The following OGFOD3 variants were observed in gnomAD, a reference collection of about 807,000 sequenced individuals.
OGFOD3 encodes 2-oxoglutarate and iron-dependent oxygenase domain-containing protein 3.
In OGFOD3, 35 loss-of-function variants were observed where a neutral mutation model predicts 39.8. The ratio of observed to expected loss-of-function variants is 0.88; its 90% CI spans 0.67 to 1.17. OGFOD3 has a LOEUF of 1.17. Among genes scored for constraint, OGFOD3 ranks in the 50% most tolerant of loss-of-function variants. The pLI is 0.00. For synonymous variants in OGFOD3, 200 were observed against 192.0 expected (o/e 1.04, Z -0.34); for missense variants, 438 against 454.5 (o/e 0.96, Z 0.33).
At chr17:82,399,662 G>C (rs2052732466) in intron 7 of OGFOD3, among the ~76,000 whole-genome samples, 1 of 152,132 alleles carries the variant, frequency 6.6e-6, no homozygotes, top group Non-Finnish European at 1.5e-5. Context: ...TCCGCTTTCT[G>C]TCTCTGTGAA....
intron 7 of OGFOD3, 180 bp downstream of exon 7, chr17:82,403,757 A>T: frequency 1.8e-5 from 13 of 710,060 alleles, no homozygotes; most frequent in Non-Finnish European, 2.3e-5. Context: ...CCCTGTCCAC[A>T]TGCGCGCTCA....
chr17:82,409,304 C>A, intron 4 of OGFOD3, 64 bp downstream of exon 4: 6 of 1,543,590 alleles, frequency 3.9e-6, no homozygotes, highest in Non-Finnish European at 5.4e-6. Flanking sequence ...CCTTCCCCTT[C>A]CCATCCAAGT....
rs971973463 is a variant in OGFOD3 at position 82,392,653 on chromosome 17, G to T, written c.824-119C>A. 8.0e-7 allele frequency: 1 copy of T among 1,247,420 alleles called. No individual in the cohort carries two copies. The highest frequency in any genetic ancestry group is 1.5e-5 in the African/African-American group (1 of 65,830). 77.3% of individuals were successfully genotyped at this position (1,247,420 alleles called of 1,614,324 possible). On this transcript the variant is annotated intron_variant, in intron 8 of 8. Coordinates refer to ENST00000313056, the MANE Select transcript of OGFOD3 (RefSeq NM_024648.3). The surrounding 1 kb of genome is among the most constrained non-coding windows in gnomAD (Gnocchi z 4.2). ...CCAATCAACACAACCAACCAGGCAG[G>T]CTGGAGAAATTGCCCCTCTGGGAAC...
At chr17:82,394,460 C>T (rs1238882632) in intron 8 of OGFOD3, 1 of 1,614,048 alleles carries the variant, frequency 6.2e-7, no homozygotes, top group Non-Finnish European at 8.5e-7. Flanking sequence ...CACCTGACTC[C>T]AGCCTTCGCA....
chr17:82,400,123 G>A (rs991267961), intron 7 of OGFOD3, among the ~76,000 whole-genome samples: 9 of 152,192 alleles, frequency 5.9e-5, no homozygotes, highest in Admixed American at 5.2e-4. Flanking sequence ...CCCCCAGTCC[G>A]ACCCGCCAAT....
chr17:82,418,374 G>A lies in OGFOD3; in HGVS notation c.74+38C>T, dbSNP rs575133553. The A allele has an allele frequency of 5.2e-4, 706 of 1,365,116 alleles. 2 individuals are homozygous for A. In the African/African-American group the frequency reaches 9.6e-3, roughly 18 times the overall value. The allele number at this position is 1,365,116 out of a possible 1,614,324, so 84.6% of individuals were successfully genotyped here. A position where few individuals can be genotyped will look rare whatever the true frequency, so the allele number is the denominator to read the frequency against. On this transcript the variant is annotated intron_variant, in intron 1 of 8. Coordinates refer to ENST00000313056, the MANE Select transcript of OGFOD3 (RefSeq NM_024648.3). Reference sequence around the variant, plus strand: ...TCCCGCCCACTCCATGGCCCTGTCCGCCGCCGCAGCGCGCGCCCTTCCCCT... The same window carrying A: ...TCCCGCCCACTCCATGGCCCTGTCCACCGCCGCAGCGCGCGCCCTTCCCCT...
intron 5 of OGFOD3, 40 bp from the exon 6 acceptor site, chr17:82,405,420 ATTAATCTG>A (rs1401900113): frequency 1.3e-6 from 2 of 1,526,864 alleles, no homozygotes; most frequent in Non-Finnish European, 1.8e-6. Context: ...ACAACACTTC[ATTAATCTG>A]TTGTTCATCT....
At chr17:82,413,132 T>C (rs1375858469) in intron 2 of OGFOD3, among the ~76,000 whole-genome samples, 1 of 152,192 alleles carries the variant, frequency 6.6e-6, no homozygotes, top group African/African-American at 2.4e-5. Flanking sequence ...AAAAAGTCAT[T>C]TTATGCTTTT....
chr17:82,412,817 A>C (rs905295737), intron 2 of OGFOD3, among the ~76,000 whole-genome samples: 9 of 152,200 alleles, frequency 5.9e-5, no homozygotes, highest in African/African-American at 2.2e-4. Flanking sequence ...ACATGGGGCA[A>C]ACCGGGACTC....
In OGFOD3 at chr17:82,390,060, T is replaced by C. The variant is rs2052582864; in HGVS notation, c.*2338A>G. 6.6e-6 allele frequency: 1 copy of C among 152,076 alleles called. No individual in the cohort carries two copies. Among genetic ancestry groups the C allele is most frequent in the Non-Finnish European group, 1.5e-5 (1 of 68,002 alleles). The allele number at this position is 152,076 out of a possible 1,614,324, so 9.4% of individuals were successfully genotyped here. A position where few individuals can be genotyped will look rare whatever the true frequency, so the allele number is the denominator to read the frequency against. On this transcript the variant is annotated 3_prime_UTR_variant, in exon 9 of 9. Transcript: ENST00000313056. The surrounding 1 kb of genome is among the most constrained non-coding windows in gnomAD (Gnocchi z 4.9). ...GGAAATTCTTGCTTTTGCCCAAATATATTTCTTTGTCCAAGTATCTCTGTG... is the reference window on the plus strand; with the variant it reads ...GGAAATTCTTGCTTTTGCCCAAATACATTTCTTTGTCCAAGTATCTCTGTG...
chr17:82,408,479 G>A (rs1049878213), intron 4 of OGFOD3, among the ~76,000 whole-genome samples: 7 of 152,190 alleles, frequency 4.6e-5, no homozygotes, highest in East Asian at 3.8e-4. Context: ...GGCCACAGCC[G>A]GCGGTGGCTC....
rs1233111935 is a variant in OGFOD3 at position 82,404,653 on chromosome 17, CAT to C, written c.546-565_546-564del. ...TGTGGGGGGCTCGAGGGGGGTCACT[CAT>C]GTGTCCTGGGATGGTTGCGTGACTC... On this transcript the variant is annotated intron_variant, in intron 6 of 8. Coordinates refer to ENST00000313056, the MANE Select transcript of OGFOD3 (RefSeq NM_024648.3). This position sits in a 1 kb window ranked among gnomAD's most constrained non-coding sequence, Gnocchi z 4.5. Among the ~76,000 whole-genome samples, 4 of 151,848 alleles carry C rather than the reference CAT, an allele frequency of 2.6e-5. No homozygotes were observed. The highest frequency in any genetic ancestry group is 4.4e-5 in the Non-Finnish European group (3 of 67,978).
At chr17:82,413,507 A>G (rs928154218) in intron 2 of OGFOD3, among the ~76,000 whole-genome samples, 4 of 152,182 alleles carry the variant, frequency 2.6e-5, no homozygotes, top group African/African-American at 9.7e-5. Flanking sequence ...GTGAAAAGGG[A>G]CCAAAAATCC....
At position 82,390,587 on chromosome 17, in the gene OGFOD3, G is replaced by A. The variant is rs149049283; in HGVS notation, c.*1811C>T. The A allele has an allele frequency of 2.9e-4, 48 of 165,298 alleles. No individual in the cohort carries two copies. The highest frequency in any genetic ancestry group is 1.9e-3 in the Admixed American group (30 of 15,594). 10.2% of individuals were successfully genotyped at this position (165,298 alleles called of 1,614,324 possible). A position where few individuals can be genotyped will look rare whatever the true frequency, so the allele number is the denominator to read the frequency against. On this transcript the variant is annotated 3_prime_UTR_variant, in exon 9 of 9. Coordinates refer to ENST00000313056, the MANE Select transcript of OGFOD3 (RefSeq NM_024648.3). The surrounding 1 kb of genome is among the most constrained non-coding windows in gnomAD (Gnocchi z 4.9). ...CCATCTGCCCAGAGCCTGCAGCCCT[G>A]ACCAAGGAGGGTTCCCCATACACGG...
At position 82,415,391 on chromosome 17, in the gene OGFOD3, G is replaced by A. The variant is rs780619117; in HGVS notation, c.304+7C>T. ...TCTCATTTTAAAGTGTTGCTTTCCT[G>A]AACTACCTTCGAACCTGCGGTGACT... On this transcript the variant is annotated splice_region_variant and intron_variant, in intron 2 of 8. Coordinates refer to ENST00000313056, the MANE Select transcript of OGFOD3 (RefSeq NM_024648.3). The surrounding 1 kb of genome is among the most constrained non-coding windows in gnomAD (Gnocchi z 5.3). 2.2e-5 allele frequency: 36 copies of A among 1,609,436 alleles called. No individual in the cohort carries two copies. Among genetic ancestry groups the A allele is most frequent in the Non-Finnish European group, 3.1e-5 (36 of 1,176,400 alleles).
intron 8 of OGFOD3, among the ~76,000 whole-genome samples, chr17:82,394,701 GTT>G (rs2052645738): frequency 6.6e-6 from 1 of 152,148 alleles, no homozygotes; most frequent in Admixed American, 6.5e-5. Flanking sequence ...GAGAACCTCT[GTT>G]TACCAGGGAC....
intron 8 of OGFOD3, chr17:82,393,064 A>T (rs1358177478): frequency 6.5e-6 from 1 of 153,150 alleles, no homozygotes; most frequent in African/African-American, 2.4e-5. Flanking sequence ...GGCAGCTTCC[A>T]CGGCAGTAAC....
chr17:82,398,342 G>C (rs2052711027), intron 7 of OGFOD3, 23 bp from the exon 8 acceptor site: 1 of 1,613,576 alleles, frequency 6.2e-7, no homozygotes, highest in African/African-American at 1.3e-5. Context: ...CCGGGAGGAG[G>C]GGGCAGAATG....
rs11653167 is a variant in OGFOD3, at chr17:82,396,218, G to T, written c.823+1978C>A. On this transcript the variant is annotated intron_variant, in intron 8 of 8. Coordinates refer to ENST00000313056, the MANE Select transcript of OGFOD3 (RefSeq NM_024648.3). ...TTAGACAGATGTACGACATCAAATC[G>T]CAGGTAAACACATAGATACACACAA... Among the ~76,000 whole-genome samples, 9 of 129,790 alleles carry T rather than the reference G, an allele frequency of 6.9e-5. 1 individual carries two copies. The East Asian group carries it at 1.9e-3, about 28-fold the overall frequency. The allele number at this position is 129,790 out of a possible 152,430, so 85.1% of individuals were successfully genotyped here. A position where few individuals can be genotyped will look rare whatever the true frequency, so the allele number is the denominator to read the frequency against.
Sources: gnomAD v4.1 joint callset for allele counts (sites outside exome capture counted in the v4.1 genomes callset) on GRCh38, gnomAD v4.1.1 for gene constraint, Gnocchi (gnomAD v3.1) non-coding constraint, MANE v1.5 for transcripts, NCBI Gene and HGNC (gene_info 2026-07-23, HGNC 2026-07-21) for gene names.